Variants in TRAIP observed in about 807,000 individuals in gnomAD.
TRAIP encodes the protein TRAF interacting protein.
In TRAIP, 37 loss-of-function variants were observed where a neutral mutation model predicts 65.0. That is an observed-to-expected ratio of 0.57 (90% CI 0.44 to 0.75). TRAIP has a LOEUF of 0.75. TRAIP is among the 30% of genes least tolerant of loss of function. TRAIP has a pLI of 0.00. For synonymous variants in TRAIP, 187 were observed against 219.1 expected (o/e 0.85, Z 1.29); for missense variants, 481 against 579.4 (o/e 0.83, Z 1.74).
rs771947211 is a variant in TRAIP at position 49,848,198 on chromosome 3, A to G, written c.101T>C (p.Leu34Pro). ...TGGTGCTGTCTCAAACCACTGAATT[A>G]GGCTGGAATGAAAAGCAGAACAATA... ...HCGHTFHLQC[L>P]IQWFETAPSR... Residue 34 changes from leucine to proline, a missense_variant and splice_region_variant, in exon 2 of 15, where the codon CTA (leucine) becomes CCA (proline). Physicochemically the swap from Leu to Pro is moderately conservative, Grantham distance 98. Transcript: ENST00000331456. 9 of 1,614,094 alleles carry G rather than the reference A, an allele frequency of 5.6e-6. No homozygotes were observed. Among genetic ancestry groups the G allele is most frequent in the Non-Finnish European group, 7.6e-6 (9 of 1,180,034 alleles).
At chr3:49,829,388 TG>T (rs760683363) in intron 14 of TRAIP, 69 bp downstream of exon 14, 2 of 1,612,758 alleles carry the variant, frequency 1.2e-6, no homozygotes, top group Non-Finnish European at 8.5e-7. Context: ...ACTGGCAGGC[TG>T]GGGGTATAGG....
chr3:49,849,351 C>T (rs908256491), intron 1 of TRAIP, among the ~76,000 whole-genome samples: 3 of 150,886 alleles, frequency 2.0e-5, no homozygotes, highest in Admixed American at 6.6e-5. Context: ...AGTGGCCGGG[C>T]GCAGTGGCTC....
chr3:49,835,199 C>A (rs1034056990), intron 10 of TRAIP, among the ~76,000 whole-genome samples: 7 of 152,210 alleles, frequency 4.6e-5, no homozygotes, highest in East Asian at 3.9e-4. Context: ...CAGAGCAAGA[C>A]CCTGTCTCAA....
chr3:49,839,671 CCA>C, intron 10 of TRAIP, 99 bp downstream of exon 10: 1 of 1,103,400 alleles, frequency 9.1e-7, no homozygotes, highest in Non-Finnish European at 1.4e-6. Context: ...GACATCAGGT[CCA>C]CAGAGGTCAC....
intron 9 of TRAIP, 103 bp from the exon 10 acceptor site, chr3:49,839,963 G>T: frequency 8.2e-7 from 1 of 1,219,490 alleles, no homozygotes; most frequent in Non-Finnish European, 1.2e-6. Flanking sequence ...AGCCCACTGG[G>T]AACAGAGCAA....
chr3:49,831,885 C>G, intron 11 of TRAIP, 31 bp downstream of exon 11: 1 of 1,522,484 alleles, frequency 6.6e-7, no homozygotes, highest in African/African-American at 1.4e-5. Flanking sequence ...CCCCTACCAG[C>G]CCATGGACAG....
intron 1 of TRAIP, among the ~76,000 whole-genome samples, chr3:49,852,791 C>T (rs1575401150): frequency 1.3e-5 from 2 of 151,378 alleles, no homozygotes; most frequent in South Asian, 2.1e-4. Context: ...TTGCTCTACA[C>T]GTTAAAGAAA....
chr3:49,832,516 T>TTTAAG, intron 10 of TRAIP, among the ~76,000 whole-genome samples: 1 of 145,556 alleles, frequency 6.9e-6, no homozygotes, highest in African/African-American at 2.6e-5. Context: ...AAAGTTTAAA[T>TTTAAG]TTAATTTAAT....
intron 3 of TRAIP, 70 bp from the exon 4 acceptor site, chr3:49,844,650 G>A: frequency 1.3e-6 from 2 of 1,573,396 alleles, no homozygotes; most frequent in Non-Finnish European, 1.7e-6. Context: ...CTCCCATAAG[G>A]CTGTGGGGAG....
At chr3:49,843,369 T>C (rs1055168041) in intron 5 of TRAIP, 1 of 160,614 alleles carries the variant, frequency 6.2e-6, no homozygotes, top group Non-Finnish European at 1.4e-5. Context: ...ACAGCTGACT[T>C]CAAAGGCCCT....
At chr3:49,851,055 C>T (rs1244261841) in intron 1 of TRAIP, among the ~76,000 whole-genome samples, 5 of 151,960 alleles carry the variant, frequency 3.3e-5, no homozygotes, top group Admixed American at 2.6e-4. Flanking sequence ...TCATGGCTCA[C>T]AGCTGACTCT....
intron 1 of TRAIP, among the ~76,000 whole-genome samples, chr3:49,850,327 C>T (rs369200894): frequency 2.6e-5 from 4 of 151,858 alleles, no homozygotes; most frequent in Non-Finnish European, 4.4e-5. Flanking sequence ...GGTGAAACCC[C>T]GTCTCTACTA....
intron 10 of TRAIP, among the ~76,000 whole-genome samples, chr3:49,838,967 G>A (rs1559447638): frequency 6.6e-6 from 1 of 150,970 alleles, no homozygotes; most frequent in Non-Finnish European, 1.5e-5. Flanking sequence ...GAGGCAGGTG[G>A]CTCACGAGGT....
At chr3:49,853,149 T>C (rs879577009) in intron 1 of TRAIP, among the ~76,000 whole-genome samples, 3 of 147,032 alleles carry the variant, frequency 2.0e-5, no homozygotes, top group African/African-American at 7.5e-5. Context: ...AAGAAAAAGG[T>C]AAAAAGAAAT....
chr3:49,831,898 C>A lies in TRAIP; in HGVS notation c.1037+18G>T. ...TCCCCCTACCAGCCCATGGACAGTGCCAGCGACTATCACTCACTGTGACTT... is the reference window on the plus strand; with the variant it reads ...TCCCCCTACCAGCCCATGGACAGTGACAGCGACTATCACTCACTGTGACTT... On this transcript the variant is annotated intron_variant, in intron 11 of 14. Transcript: ENST00000331456. The A allele has an allele frequency of 6.5e-7, 1 of 1,541,294 alleles. No homozygotes were observed. Among genetic ancestry groups the A allele is most frequent in the Non-Finnish European group, 8.8e-7 (1 of 1,140,302 alleles).
chr3:49,847,382 T>TG (rs2081892790), intron 3 of TRAIP, 143 bp downstream of exon 3: 1 of 610,298 alleles, frequency 1.6e-6, no homozygotes, highest in African/African-American at 2.2e-5. Flanking sequence ...ACCCTGTCTC[T>TG]AAAAAAAGAA....
chr3:49,830,815 T>G (rs776618245), intron 11 of TRAIP, among the ~76,000 whole-genome samples: 1 of 152,206 alleles, frequency 6.6e-6, no homozygotes, highest in African/African-American at 2.4e-5. Context: ...CAGGGCCTGA[T>G]GACTGACTCC....
At chr3:49,841,413 C>A (rs2081838046) in intron 7 of TRAIP, among the ~76,000 whole-genome samples, 1 of 152,198 alleles carries the variant, frequency 6.6e-6, no homozygotes, top group African/African-American at 2.4e-5. Flanking sequence ...CCCTTCCTGC[C>A]AACCTTACAC....
intron 1 of TRAIP, among the ~76,000 whole-genome samples, chr3:49,851,171 A>G (rs2081927639): frequency 6.6e-6 from 1 of 151,860 alleles, no homozygotes; most frequent in African/African-American, 2.4e-5. Flanking sequence ...TAGAGATTTC[A>G]TCATGTTGCT....
Sources: gnomAD v4.1 joint callset for allele counts (sites outside exome capture counted in the v4.1 genomes callset) on GRCh38, gnomAD v4.1.1 for gene constraint, MANE v1.5 for transcripts, NCBI Gene and HGNC (gene_info 2026-07-23, HGNC 2026-07-21) for gene names.